Variants in BANK1 observed in about 807,000 individuals in gnomAD.
BANK1 encodes B-cell scaffold protein with ankyrin repeats.
Under a neutral mutation model 94.5 loss-of-function variants are expected in BANK1, and 95 were observed. The observed-to-expected ratio is 1.00, with a 90% confidence interval of 0.85 to 1.19. BANK1 has a LOEUF of 1.19. BANK1 is among the 50% of genes most tolerant of loss of function. BANK1 has a pLI of 0.00. For synonymous variants in BANK1, 334 were observed against 308.4 expected (o/e 1.08, Z -0.87); for missense variants, 987 against 932.2 (o/e 1.06, Z -0.77).
chr4:102,062,198 A>C (rs192215067), intron 12 of BANK1: 9 of 152,342 alleles, frequency 5.9e-5, no homozygotes, highest in African/African-American at 2.2e-4. Context: ...AAACTAAGAA[A>C]AAAATGGCAC....
intron 2 of BANK1, among the ~76,000 whole-genome samples, chr4:101,845,928 A>G (rs989743902): frequency 6.6e-6 from 1 of 152,188 alleles, no homozygotes; most frequent in Admixed American, 6.5e-5. Context: ...GGTTTGTTAC[A>G]TATGTATACA....
chr4:101,833,253 A>G (rs1231929850), intron 2 of BANK1, among the ~76,000 whole-genome samples: 2 of 152,212 alleles, frequency 1.3e-5, no homozygotes, highest in Non-Finnish European at 2.9e-5. Flanking sequence ...TGCGGGGACT[A>G]CAGGCGTGAG....
chr4:101,885,462 CTCTA>C (rs1485007813), intron 5 of BANK1, among the ~76,000 whole-genome samples: 1 of 152,178 alleles, frequency 6.6e-6, no homozygotes, highest in Non-Finnish European at 1.5e-5. Context: ...GCATGTGCTC[CTCTA>C]TCTAACTGAA....
chr4:101,857,074 G>T (rs1727705333), intron 3 of BANK1, among the ~76,000 whole-genome samples: 1 of 152,008 alleles, frequency 6.6e-6, no homozygotes, highest in African/African-American at 2.4e-5. Context: ...ACAACTTTCA[G>T]CCTATGTCAA....
chr4:101,802,425 A>G (rs1265423684), intron 1 of BANK1, among the ~76,000 whole-genome samples: 1 of 152,222 alleles, frequency 6.6e-6, no homozygotes, highest in Non-Finnish European at 1.5e-5. Flanking sequence ...GAAAGCTTCC[A>G]TTAAGCAAAT....
chr4:102,055,572 G>A (rs141523948), intron 11 of BANK1, among the ~76,000 whole-genome samples: 7 of 151,996 alleles, frequency 4.6e-5, no homozygotes, highest in African/African-American at 7.2e-5. Flanking sequence ...GATGATATAC[G>A]TACATGCCAG....
intron 15 of BANK1, among the ~76,000 whole-genome samples, chr4:102,072,687 T>C (rs1342740196): frequency 6.6e-6 from 1 of 152,230 alleles, no homozygotes; most frequent in African/African-American, 2.4e-5. Flanking sequence ...ATACATGTGT[T>C]TTAACAATAG....
chr4:101,834,289 C>T lies in BANK1; in HGVS notation c.469+4083C>T, dbSNP rs191351543. On this transcript the variant is annotated intron_variant, in intron 2 of 16. Transcript: ENST00000322953. Reference sequence around the variant, plus strand: ...CTATTTTGGAGACACTATTATCTCTCATCTGCCCACATTGATTTTGGACTC... The same window carrying T: ...CTATTTTGGAGACACTATTATCTCTTATCTGCCCACATTGATTTTGGACTC... Among the ~76,000 whole-genome samples, 20 of 152,288 alleles carry T rather than the reference C, an allele frequency of 1.3e-4. No homozygotes were observed. The East Asian group carries it at 3.5e-3, about 26-fold the overall frequency.
At chr4:102,072,423 T>C (rs750967913) in intron 15 of BANK1, 23 bp downstream of exon 15, 1 of 1,514,162 alleles carries the variant, frequency 6.6e-7, no homozygotes, top group South Asian at 1.2e-5. Context: ...TATTTTGATT[T>C]CTATAAAATG....
At chr4:101,907,645 T>C (rs1722499684) in intron 6 of BANK1, among the ~76,000 whole-genome samples, 1 of 152,306 alleles carries the variant, frequency 6.6e-6, no homozygotes, top group East Asian at 1.9e-4. Context: ...TGATTGTATA[T>C]TTAGAAAACC....
At chr4:101,928,358 A>G (rs1723231674) in intron 7 of BANK1, among the ~76,000 whole-genome samples, 1 of 151,656 alleles carries the variant, frequency 6.6e-6, no homozygotes, top group Non-Finnish European at 1.5e-5. Flanking sequence ...GGAGGAGACA[A>G]CATTCAGTCT....
intron 7 of BANK1, among the ~76,000 whole-genome samples, chr4:102,000,012 T>C (rs1056102723): frequency 6.6e-6 from 1 of 152,130 alleles, no homozygotes; most frequent in Non-Finnish European, 1.5e-5. Flanking sequence ...TATCCAAACC[T>C]ATACACTTTT....
At chr4:101,970,967 G>A (rs1003799547) in intron 7 of BANK1, among the ~76,000 whole-genome samples, 3 of 151,520 alleles carry the variant, frequency 2.0e-5, no homozygotes, top group South Asian at 2.1e-4. Flanking sequence ...GTGTCATAGC[G>A]TGCAGGCGTG....
intron 2 of BANK1, among the ~76,000 whole-genome samples, chr4:101,843,481 TC>T (rs1727133708): frequency 1.3e-5 from 2 of 152,342 alleles, no homozygotes; most frequent in South Asian, 4.1e-4. Flanking sequence ...TATCATTTTT[TC>T]CTTTATTATT....
At chr4:101,791,031 C>A in intron 1 of BANK1, 81 bp downstream of exon 1, 1 of 1,165,720 alleles carries the variant, frequency 8.6e-7, no homozygotes, top group Admixed American at 3.0e-5. Context: ...CATCGTTAGA[C>A]AACTGCACTC....
At chr4:102,014,857 C>A (rs904808162) in intron 7 of BANK1, among the ~76,000 whole-genome samples, 1 of 152,092 alleles carries the variant, frequency 6.6e-6, no homozygotes, top group African/African-American at 2.4e-5. Flanking sequence ...ACCAGAAATT[C>A]ACTCTTAATA....
At chr4:101,838,237 G>A (rs759051439) in intron 2 of BANK1, among the ~76,000 whole-genome samples, 11 of 152,126 alleles carry the variant, frequency 7.2e-5, no homozygotes, top group Non-Finnish European at 1.6e-4. Flanking sequence ...GGGATTACAG[G>A]CATGAACCAT....
chr4:101,958,703 C>T (rs2148917974), intron 7 of BANK1, among the ~76,000 whole-genome samples: 1 of 152,306 alleles, frequency 6.6e-6, no homozygotes, highest in East Asian at 1.9e-4. Flanking sequence ...AGGATGTCAG[C>T]AGGATCCCAT....
At chr4:102,032,897 TA>T (rs60615473) in intron 10 of BANK1, among the ~76,000 whole-genome samples, 150 of 145,050 alleles carry the variant, frequency 1.0e-3, no homozygotes, top group Middle Eastern at 7.2e-3. Flanking sequence ...AATATAAAAA[TA>T]AAAAAAAAAA....
Sources: gnomAD v4.1 joint callset for allele counts (sites outside exome capture counted in the v4.1 genomes callset) on GRCh38, gnomAD v4.1.1 for gene constraint, MANE v1.5 for transcripts, NCBI Gene and HGNC (gene_info 2026-07-23, HGNC 2026-07-21) for gene names.